The following GPHA2 variants were observed in gnomAD, a reference collection of about 807,000 sequenced individuals.
GPHA2 encodes glycoprotein hormone alpha-2.
A neutral mutation model predicts 15.3 loss-of-function variants in GPHA2; 12 were observed. The observed-to-expected ratio is 0.78, with a 90% CI of 0.50 to 1.27. The LOEUF (loss-of-function observed/expected upper bound fraction) is 1.27. Ranked by LOEUF, GPHA2 falls within the 50% of genes most tolerant of loss-of-function variation. GPHA2 has a pLI of 0.00. For missense variants in GPHA2, 156 were observed against 169.5 expected, an observed-to-expected ratio of 0.92 and a Z score of 0.44; for synonymous variants, 61 against 66.8, an observed-to-expected ratio of 0.91 and a Z score of 0.42.
rs779757918 is a variant in GPHA2 at position 64,935,107 on chromosome 11, C to T, written c.172G>A (p.Val58Met). The change falls in exon 3 of 4, where the codon GTG becomes ATG. Residue 58 changes from valine (V) to methionine (M), a missense_variant. Physicochemically the swap from Val to Met is conservative, Grantham distance 21. Transcript: ENST00000279168. ...AAGGCGCTGGACTCACAGTGGCCCA[C>T]ACAGGCCTGTGCCACGTGGGAGCCC... Reference protein sequence around the residue: ...CQGSHVAQACVGHCESSAFPS... With the variant: ...CQGSHVAQACMGHCESSAFPS... 27 of 1,614,002 alleles carry T rather than the reference C, an allele frequency of 1.7e-5. No individual in the cohort carries two copies. The South Asian group carries it at 2.1e-4, about 12-fold the overall frequency.
chr11:64,934,509 G>C lies in GPHA2; in HGVS notation c.*264C>G, dbSNP rs970463465. The stretch of plus-strand genomic sequence containing the variant: ...TGCTTTATTTAGGGGTAAGGGCAAA[G>C]AGGGAAGTAAAATGATGAAAGATTG... On this transcript the variant is annotated 3_prime_UTR_variant, in exon 4 of 4. Coordinates refer to ENST00000279168, the MANE Select transcript of GPHA2 (RefSeq NM_130769.4). The C allele has an allele frequency of 1.1e-5, 6 of 569,168 alleles. No homozygotes were observed. In the Admixed American group the frequency reaches 1.8e-4, roughly 17 times the overall value. The allele number at this position is 569,168 out of a possible 1,614,324, so 35.3% of individuals were successfully genotyped here.
upstream of GPHA2, chr11:64,937,673 G>A (rs1410335202): frequency 6.6e-6 from 1 of 152,260 alleles, no homozygotes; most frequent in Non-Finnish European, 1.5e-5. Flanking sequence ...GATGGCTTCT[G>A]TTTAAAGCAT....
chr11:64,934,755 A>C lies in GPHA2; in HGVS notation c.*18T>G. The C allele has an allele frequency of 6.3e-7, 1 of 1,597,340 alleles. No homozygotes were observed. The highest frequency in any genetic ancestry group is 8.6e-7 in the Non-Finnish European group (1 of 1,164,594). ...TCAAGCCCTGTGACCCAGGGGAGGAAGGAGGGGAGAGGATGGGCTAGTAGC... is the reference window on the plus strand; with the variant it reads ...TCAAGCCCTGTGACCCAGGGGAGGACGGAGGGGAGAGGATGGGCTAGTAGC... On this transcript the variant is annotated 3_prime_UTR_variant, in exon 4 of 4. Transcript: ENST00000279168.
chr11:64,935,792 C>T, intron 1 of GPHA2, 42 bp downstream of exon 1: 1 of 204,778 alleles, frequency 4.9e-6, no homozygotes, highest in Non-Finnish European at 9.9e-6. Flanking sequence ...CGTCCACATT[C>T]CCAGACCCTC....
rs771674028 is a variant in GPHA2, at chr11:64,934,788, G to A, written c.375C>T (p.Arg125=). 130 of 1,613,900 alleles carry A rather than the reference G, an allele frequency of 8.1e-5. No homozygotes were observed. Among genetic ancestry groups the A allele is most frequent in the Non-Finnish European group, 1.0e-4 (121 of 1,179,918 alleles). ...TARACQCDMC[R]LSRY ...AGAGGATGGGCTAGTAGCGAGAGAG[G>A]CGACACATGTCACACTGGCAGGCCC... The change falls in exon 4 of 4, where the codon CGC becomes CGT. Residue 125 remains arginine (R), a synonymous_variant. Transcript: ENST00000279168.
intron 3 of GPHA2, 50 bp downstream of exon 3, chr11:64,934,941 G>A (rs745589221): frequency 2.5e-6 from 4 of 1,612,110 alleles, no homozygotes; most frequent in African/African-American, 2.7e-5. Flanking sequence ...CCATCTCTCT[G>A]GTCTTCCCGC....
Position 64,935,420 on chromosome 11 carries a change from A to G in GPHA2, c.41T>C (p.Leu14Pro), listed in dbSNP as rs780264176. 2 of 1,610,262 alleles carry G rather than the reference A, an allele frequency of 1.2e-6. No homozygotes were observed. The highest frequency in any genetic ancestry group is 2.2e-5 in the South Asian group (2 of 90,732). ...ASPQTLVLYLLVLAVTEAWGQ... is the reference protein window; with the variant it reads ...ASPQTLVLYLPVLAVTEAWGQ... The stretch of plus-strand genomic sequence containing the variant: ...CCAGGCTTCAGTGACTGCCAGGACC[A>G]GCAGATAGAGGACCAGGGTTTGAGG... Residue 14 changes from leucine (L) to proline (P), a missense_variant, in exon 2 of 4, where the codon CTG becomes CCG. Coordinates refer to ENST00000279168, the MANE Select transcript of GPHA2 (RefSeq NM_130769.4).
At position 64,935,400 on chromosome 11, in the gene GPHA2, C is replaced by A. The variant is rs1417757171; in HGVS notation, c.61G>T (p.Ala21Ser). Residue 21 changes from alanine (A) to serine (S), a missense_variant, in exon 2 of 4, where the codon GCC becomes TCC. Physicochemically the swap from Ala to Ser is moderately conservative, Grantham distance 99. Coordinates refer to ENST00000279168, the MANE Select transcript of GPHA2 (RefSeq NM_130769.4). ...GGGATGACTGCCTCCTGGCCCCAGG[C>A]TTCAGTGACTGCCAGGACCAGCAGA... is the stretch of plus-strand genomic sequence containing the variant. ...LYLLVLAVTEAWGQEAVIPGC... is the reference protein window; with the variant it reads ...LYLLVLAVTESWGQEAVIPGC... 1 of 1,609,458 alleles carries A rather than the reference C, an allele frequency of 6.2e-7. No individual in the cohort carries two copies. Among genetic ancestry groups the A allele is most frequent in the Admixed American group, 1.7e-5 (1 of 58,858 alleles).
upstream of GPHA2, among the ~76,000 whole-genome samples, chr11:64,936,810 G>A (rs1447801813): frequency 1.3e-5 from 2 of 152,066 alleles, no homozygotes; most frequent in Admixed American, 6.6e-5. Context: ...ACAGAGTAAC[G>A]TTCTGAGCTG....
At chr11:64,935,292 A>ATT (rs1945281176) in intron 2 of GPHA2, 66 bp downstream of exon 2, 3 of 900,866 alleles carry the variant, frequency 3.3e-6, no homozygotes, top group South Asian at 1.6e-5. Flanking sequence ...CCCACCGTCC[A>ATT]CTCAGCTCTT....
At position 64,934,860 on chromosome 11, in the gene GPHA2, C is replaced by G; in HGVS notation, c.303G>C (p.Leu101=). 1 of 1,614,032 alleles carries G rather than the reference C, an allele frequency of 6.2e-7. No individual in the cohort carries two copies. ...ISGLKKVKVQ[L]QCVGSRREEL... ...CCTCCCTCCGGCTCCCCACACACTG[C>G]AGCTGTACTTTGACCTGCGGGAGAG... Residue 101 remains leucine (L), a synonymous_variant, in exon 4 of 4, where the codon CTG becomes CTC. Transcript: ENST00000279168.
At position 64,934,860 on chromosome 11, in the gene GPHA2, C is replaced by T. The variant is rs770270839; in HGVS notation, c.303G>A (p.Leu101=). 6.2e-7 allele frequency: 1 copy of T among 1,614,030 alleles called. No homozygotes were observed. Among genetic ancestry groups the T allele is most frequent in the Non-Finnish European group, 8.5e-7 (1 of 1,179,966 alleles). Residue 101 remains leucine (L), a synonymous_variant, in exon 4 of 4, where the codon CTG becomes CTA. Coordinates refer to ENST00000279168, the MANE Select transcript of GPHA2 (RefSeq NM_130769.4). ...CCTCCCTCCGGCTCCCCACACACTG[C>T]AGCTGTACTTTGACCTGCGGGAGAG... The part of the protein sequence containing the change: ...ISGLKKVKVQ[L]QCVGSRREEL...
rs573463788 is a variant in GPHA2 at position 64,934,789 on chromosome 11, C to T, written c.374G>A (p.Arg125His). 28 of 1,613,904 alleles carry T rather than the reference C, an allele frequency of 1.7e-5. No individual in the cohort carries two copies. Among genetic ancestry groups the T allele is most frequent in the African/African-American group, 2.7e-5 (2 of 75,004 alleles). ...GAGGATGGGCTAGTAGCGAGAGAGG[C>T]GACACATGTCACACTGGCAGGCCCT... ...TARACQCDMC[R>H]LSRY The change falls in exon 4 of 4, where the codon CGC becomes CAC. Residue 125 changes from arginine to histidine, a missense_variant. Coordinates refer to ENST00000279168, the MANE Select transcript of GPHA2 (RefSeq NM_130769.4).
upstream of GPHA2, among the ~76,000 whole-genome samples, chr11:64,936,141 AGTGTGCAGCGT>A (rs1366201720): frequency 6.6e-6 from 1 of 152,112 alleles, no homozygotes; most frequent in Non-Finnish European, 1.5e-5. Context: ...GAGCTGGTGG[AGTGTGCAGCGT>A]GTGTGCAGCT....
Position 64,934,531 on chromosome 11 carries a change from A to G in GPHA2, c.*242T>C. 1 of 585,378 alleles carries G rather than the reference A, an allele frequency of 1.7e-6. No homozygotes were observed. Among genetic ancestry groups the G allele is most frequent in the Non-Finnish European group, 3.0e-6 (1 of 328,180 alleles). The allele number at this position is 585,378 out of a possible 1,614,324, so 36.3% of individuals were successfully genotyped here. On this transcript the variant is annotated 3_prime_UTR_variant, in exon 4 of 4. Transcript: ENST00000279168. ...AAAGAGGGAAGTAAAATGATGAAAGATTGGTTTAGAAGGGCCAGGCAGAGG... is the reference window on the plus strand; with the variant it reads ...AAAGAGGGAAGTAAAATGATGAAAGGTTGGTTTAGAAGGGCCAGGCAGAGG...
Position 64,934,495 on chromosome 11 carries a change from G to C in GPHA2, c.*278C>G, listed in dbSNP as rs1043876274. On this transcript the variant is annotated 3_prime_UTR_variant, in exon 4 of 4. Transcript: ENST00000279168. ...ATTCAAGAACTGCTTGCTTTATTTA[G>C]GGGTAAGGGCAAAGAGGGAAGTAAA... The C allele has an allele frequency of 5.5e-6, 3 of 542,714 alleles. No homozygotes were observed. The highest frequency in any genetic ancestry group is 9.9e-6 in the Non-Finnish European group (3 of 302,046). The allele number at this position is 542,714 out of a possible 1,614,324, so 33.6% of individuals were successfully genotyped here. A position where few individuals can be genotyped will look rare whatever the true frequency, so the allele number is the denominator to read the frequency against.
At chr11:64,936,378 C>T (rs751901655), upstream of GPHA2, among the ~76,000 whole-genome samples, 1 of 152,134 alleles carries the variant, frequency 6.6e-6, no homozygotes, top group Non-Finnish European at 1.5e-5. Flanking sequence ...CCCAGCCTCC[C>T]AGACTCAAGC....
In GPHA2 at chr11:64,935,859, G is replaced by A. The variant is rs148033979; in HGVS notation, c.-26C>T. On this transcript the variant is annotated 5_prime_UTR_variant, in exon 1 of 4. Coordinates refer to ENST00000279168, the MANE Select transcript of GPHA2 (RefSeq NM_130769.4). ...CACTTCCGAGGCCCAGGAACAGAGC[G>A]GCTTGCAGTTTTCCTGTGCCTCCTG... 7.3e-4 allele frequency: 117 copies of A among 160,226 alleles called. 2 individuals carry two copies. Among genetic ancestry groups the A allele is most frequent in the African/African-American group, 2.5e-3 (104 of 41,812 alleles). 9.9% of individuals were successfully genotyped at this position (160,226 alleles called of 1,614,324 possible).
In GPHA2 at chr11:64,935,086, C is replaced by T. The variant is rs749984996; in HGVS notation, c.193G>A (p.Ala65Thr). 6.2e-6 allele frequency: 10 copies of T among 1,614,088 alleles called. No homozygotes were observed. Among genetic ancestry groups the T allele is most frequent in the East Asian group, 4.5e-5 (2 of 44,860 alleles). Residue 65 changes from alanine to threonine, a missense_variant, in exon 3 of 4, where the codon GCC becomes ACC. Transcript: ENST00000279168. ...AGCACAGAGTACCGAGAAGGGAAGG[C>T]GCTGGACTCACAGTGGCCCACACAG... ...QACVGHCESS[A>T]FPSRYSVLVA...
Sources: allele counts gnomAD v4.1 joint callset (sites outside exome capture counted in the v4.1 genomes callset), GRCh38; gene constraint gnomAD v4.1.1; transcripts MANE v1.5; gene names NCBI Gene and HGNC (gene_info 2026-07-23, HGNC 2026-07-21).